GPSM2: variants seen among roughly 807,000 people sequenced by gnomAD.
GPSM2 encodes the protein G protein-signaling modulator 2.
In GPSM2, 58 loss-of-function variants were observed where a neutral mutation model predicts 78.4. That is an observed-to-expected ratio of 0.74 (90% CI 0.60 to 0.92). GPSM2 has a LOEUF of 0.92. Among genes scored for constraint, GPSM2 ranks in the 40% least tolerant of loss-of-function variants. The pLI, the probability that GPSM2 is intolerant of heterozygous loss-of-function variation, is 0.00. For synonymous variants in GPSM2, 224 were observed against 280.2 expected (o/e 0.80, Z 2.00); for missense variants, 700 against 815.5 (o/e 0.86, Z 1.73).
intron 11 of GPSM2, among the ~76,000 whole-genome samples, chr1:108,916,850 A>G (rs1018417193): frequency 3.3e-5 from 5 of 152,350 alleles, no homozygotes; most frequent in African/African-American, 1.2e-4. Context: ...AAGCATACAT[A>G]AGGAAAAAGG....
At chr1:108,908,963 C>G (rs114177534) in intron 10 of GPSM2, among the ~76,000 whole-genome samples, 3,922 of 151,670 alleles carry the variant, frequency 0.026, 162 homozygotes, top group African/African-American at 0.09. Flanking sequence ...ACAGGGAGAC[C>G]GCCATCTCTC....
chr1:108,901,820 A>G lies in GPSM2; in HGVS notation c.828A>G (p.Lys276=), dbSNP rs338489. The G allele has an allele frequency of 5.1e-3, 8,298 of 1,612,284 alleles. 316 individuals carry two copies. The African/African-American group carries it at 0.088, about 17-fold the overall frequency. The change falls in exon 8 of 15, where the codon AAA becomes AAG. Residue 276 remains lysine (K), a synonymous_variant. Transcript: ENST00000264126. ...CACTACTGTTGGCCCGACAGCTTAA[A>G]GACCGAGCTGTAGAAGCACAGTCTT... ...KKTLLLARQL[K]DRAVEAQSCY... is the part of the protein sequence containing the mutation.
intron 7 of GPSM2, among the ~76,000 whole-genome samples, chr1:108,901,479 T>C (rs1347931403): frequency 6.6e-6 from 1 of 152,230 alleles, no homozygotes; most frequent in Non-Finnish European, 1.5e-5. Flanking sequence ...AGGGAAAGTT[T>C]TTTTAAATGT....
chr1:108,895,564 T>C (rs2101388480), intron 2 of GPSM2, among the ~76,000 whole-genome samples: 1 of 152,230 alleles, frequency 6.6e-6, no homozygotes, highest in South Asian at 2.1e-4. Flanking sequence ...TAGATTCTCA[T>C]AGGAGTGCAA....
In GPSM2 at chr1:108,931,353, T is replaced by TAACTA; in HGVS notation, c.*1415_*1419dup. ...TACAAGGGGATGATAACAAAGTAAC[T>TAACTA]AACTAACTGTAGCAAAAGACAAGTA... On this transcript the variant is annotated 3_prime_UTR_variant, in exon 15 of 15. Coordinates refer to ENST00000264126, the MANE Select transcript of GPSM2 (RefSeq NM_013296.5). 1 of 1,547,470 alleles carries TAACTA rather than the reference T, an allele frequency of 6.5e-7. No individual in the cohort carries two copies. Among genetic ancestry groups the TAACTA allele is most frequent in the Non-Finnish European group, 8.7e-7 (1 of 1,146,874 alleles).
At chr1:108,919,089 C>T (rs1425408367) in intron 12 of GPSM2, among the ~76,000 whole-genome samples, 2 of 151,846 alleles carry the variant, frequency 1.3e-5, no homozygotes, top group Non-Finnish European at 2.9e-5. Context: ...CTCACTGTGA[C>T]CTCTGCCTCC....
intron 14 of GPSM2, chr1:108,926,895 AAAAG>A (rs1485639521): frequency 1.3e-5 from 2 of 152,184 alleles, no homozygotes; most frequent in African/African-American, 4.8e-5. Flanking sequence ...AAAAAAGAAA[AAAAG>A]GCATTCACAT....
intron 1 of GPSM2, among the ~76,000 whole-genome samples, chr1:108,881,834 AT>A (rs1557852333): frequency 6.6e-6 from 1 of 152,218 alleles, no homozygotes; most frequent in Non-Finnish European, 1.5e-5. Context: ...TCATTTACTT[AT>A]TCGTTAATTT....
At chr1:108,910,223 C>G (rs1649625425) in intron 10 of GPSM2, among the ~76,000 whole-genome samples, 1 of 152,008 alleles carries the variant, frequency 6.6e-6, no homozygotes. Flanking sequence ...CAAAACTGTT[C>G]CAATGGTAAA....
At position 108,922,565 on chromosome 1, in the gene GPSM2, T is replaced by A; in HGVS notation, c.1589T>A (p.Met530Lys). 1 of 1,612,476 alleles carries A rather than the reference T, an allele frequency of 6.2e-7. No homozygotes were observed. The highest frequency in any genetic ancestry group is 8.5e-7 in the Non-Finnish European group (1 of 1,178,592). ...ACAACTTCTTCCACTCCCCCTAAAATGATGCTAAAAAGTAAGTCATCTCTG... is the reference window on the plus strand; with the variant it reads ...ACAACTTCTTCCACTCCCCCTAAAAAGATGCTAAAAAGTAAGTCATCTCTG... ...STTTSSTPPK[M>K]MLKTSSVPVV... is the part of the protein sequence containing the mutation. The change falls in exon 13 of 15, where the codon ATG becomes AAG. Residue 530 changes from methionine (M) to lysine (K), a missense_variant. Coordinates refer to ENST00000264126, the MANE Select transcript of GPSM2 (RefSeq NM_013296.5).
chr1:108,923,936 T>A, intron 13 of GPSM2, 64 bp from the exon 14 acceptor site: 2 of 1,178,300 alleles, frequency 1.7e-6, no homozygotes, highest in East Asian at 4.7e-5. Context: ...TAAATGTGCC[T>A]AGGTTTTTTT....
intron 1 of GPSM2, among the ~76,000 whole-genome samples, chr1:108,880,414 C>T (rs913977957): frequency 2.0e-5 from 3 of 152,042 alleles, no homozygotes; most frequent in Non-Finnish European, 2.9e-5. Context: ...CCCAACATGG[C>T]GAAACCCTGT....
Position 108,929,713 on chromosome 1 carries a change from G to A in GPSM2, c.1828G>A (p.Asp610Asn). Residue 610 changes from aspartate to asparagine, a missense_variant, in exon 15 of 15, where the codon GAT becomes AAT. Physicochemically the swap from Asp to Asn is conservative, Grantham distance 23 (BLOSUM62 1). Coordinates refer to ENST00000264126, the MANE Select transcript of GPSM2 (RefSeq NM_013296.5). The part of the protein sequence containing the change: ...ILVKCQGSRL[D>N]DQRCAPPPAT... ...CATAAACTTCTAGGGATCCAGATTA[G>A]ATGATCAAAGATGTGCTCCACCACC... 6.2e-7 allele frequency: 1 copy of A among 1,613,158 alleles called. No homozygotes were observed. The highest frequency in any genetic ancestry group is 8.5e-7 in the Non-Finnish European group (1 of 1,179,226).
In GPSM2 at chr1:108,931,765, A is replaced by C; in HGVS notation, c.*1825A>C. On this transcript the variant is annotated 3_prime_UTR_variant, in exon 15 of 15. Coordinates refer to ENST00000264126, the MANE Select transcript of GPSM2 (RefSeq NM_013296.5). Reference sequence around the variant, plus strand: ...GTTCTTATAAGAAAATTCAGTTAAGACAATATACCAAACCACAACGTAAAA... The same window carrying C: ...GTTCTTATAAGAAAATTCAGTTAAGCCAATATACCAAACCACAACGTAAAA... The C allele has an allele frequency of 3.9e-6, 1 of 254,340 alleles. No individual in the cohort carries two copies. The highest frequency in any genetic ancestry group is 7.3e-6 in the Non-Finnish European group (1 of 136,498). 15.8% of individuals were successfully genotyped at this position (254,340 alleles called of 1,614,324 possible).
At chr1:108,916,268 A>G (rs966491303) in intron 11 of GPSM2, among the ~76,000 whole-genome samples, 3 of 151,938 alleles carry the variant, frequency 2.0e-5, no homozygotes, top group South Asian at 4.2e-4. Flanking sequence ...CTGAAAAAAA[A>G]AAAAGAAAAA....
At position 108,898,655 on chromosome 1, in the gene GPSM2, T is replaced by A. The variant is rs1648561550; in HGVS notation, c.571T>A (p.Leu191Ile). ...AVDFYEENLS[L>I]VTALGDRAAQ... is the part of the protein sequence containing the mutation. ...GCGATCCCTTAGGGAAAACCTATCA[T>A]TAGTGACTGCTTTGGGTGACCGAGC... Residue 191 changes from leucine (L) to isoleucine (I), a missense_variant, in exon 6 of 15, where the codon TTA becomes ATA. Transcript: ENST00000264126. 1.2e-6 allele frequency: 2 copies of A among 1,613,842 alleles called. No individual in the cohort carries two copies. Among genetic ancestry groups the A allele is most frequent in the Non-Finnish European group, 1.7e-6 (2 of 1,179,884 alleles).
At chr1:108,881,102 A>C (rs1570866219) in intron 1 of GPSM2, among the ~76,000 whole-genome samples, 1 of 152,200 alleles carries the variant, frequency 6.6e-6, no homozygotes, top group East Asian at 1.9e-4. Flanking sequence ...CAGATAATTA[A>C]ATGTGAGGCA....
In GPSM2 at chr1:108,913,379, CTG is replaced by C. The variant is rs745600030; in HGVS notation, c.1193-954_1193-953del. ...ACTCTACAGTCTGTTATTTTTGAGA[CTG>C]TGTGGATAGTATAAACCAGTTATTA... On this transcript the variant is annotated intron_variant, in intron 10 of 14. Coordinates refer to ENST00000264126, the MANE Select transcript of GPSM2 (RefSeq NM_013296.5). Among the ~76,000 whole-genome samples, 6 of 152,152 alleles carry C rather than the reference CTG, an allele frequency of 3.9e-5. No individual in the cohort carries two copies. The South Asian group carries it at 8.3e-4, about 21-fold the overall frequency.
chr1:108,919,506 T>A (rs1449037626), intron 12 of GPSM2, among the ~76,000 whole-genome samples: 1 of 152,144 alleles, frequency 6.6e-6, no homozygotes, highest in Non-Finnish European at 1.5e-5. Flanking sequence ...TTATTGAAAC[T>A]ACAATGATAG....
Sources: gnomAD v4.1 joint callset for allele counts (sites outside exome capture counted in the v4.1 genomes callset) on GRCh38, gnomAD v4.1.1 for gene constraint, MANE v1.5 for transcripts, NCBI Gene and HGNC (gene_info 2026-07-23, HGNC 2026-07-21) for gene names.